The following GRIP2 variants were observed in gnomAD, a reference collection of about 807,000 sequenced individuals.
GRIP2 encodes glutamate receptor interacting protein 2.
A neutral mutation model predicts 108.3 loss-of-function variants in GRIP2; 58 were observed. The ratio of observed to expected loss-of-function variants is 0.54; its 90% confidence interval spans 0.43 to 0.67. The LOEUF (loss-of-function observed/expected upper bound fraction) is 0.67. Among genes scored for constraint, GRIP2 ranks in the 30% least tolerant of loss-of-function variants. The pLI, the probability that GRIP2 is intolerant of heterozygous loss-of-function variation, is 0.00. For synonymous variants in GRIP2, 586 were observed against 598.2 expected (o/e 0.98, Z 0.30); for missense variants, 1,278 against 1,430.6 (o/e 0.89, Z 1.72).
At position 14,552,933 on chromosome 3, in the gene GRIP2, C is replaced by T. The variant is rs190742002; in HGVS notation, c.55+2967G>A. 4.2e-3 allele frequency among the ~76,000 whole-genome samples: 637 copies of T among 152,180 alleles called. 5 individuals are homozygous for T. Among genetic ancestry groups the T allele is most frequent in the Middle Eastern group, 0.027 (8 of 292 alleles). The stretch of plus-strand genomic sequence containing the variant: ...CTAATACTCGAAGCAGTCCTCCACT[C>T]TCTCCTGCTCAAGGACCATCCATGG... On this transcript the variant is annotated intron_variant, in intron 1 of 23. Transcript: ENST00000637182.
the GRIP2 span, among the ~76,000 whole-genome samples, chr3:14,577,049 C>G: frequency 1.3e-5 from 2 of 152,256 alleles, no homozygotes; most frequent in South Asian, 4.1e-4. Context: ...ACAACTTCTA[C>G]CACTGTGGAG....
In GRIP2 at chr3:14,524,464, T is replaced by C; in HGVS notation, c.332A>G (p.Glu111Gly). The change falls in exon 4 of 24, where the codon GAG becomes GGG. Residue 111 changes from glutamate to glycine, a missense_variant. Glu to Gly is a moderately conservative substitution (Grantham distance 98, BLOSUM62 -2). Transcript: ENST00000621039. ...CACATTCTTGAGCAGGGTGATGATC[T>C]CATCGTGGCGGAGCCTGGTCAGGTG... ...GIHLTRLRHD[E>G]IITLLKNVGE... The C allele has an allele frequency of 1.3e-6, 2 of 1,593,154 alleles. No individual in the cohort carries two copies. The highest frequency in any genetic ancestry group is 1.7e-6 in the Non-Finnish European group (2 of 1,169,880).
chr3:14,576,150 G>A, the GRIP2 span, among the ~76,000 whole-genome samples: 1 of 152,186 alleles, frequency 6.6e-6, no homozygotes. Flanking sequence ...GGAGATCCGT[G>A]GGAATTAGCC....
the GRIP2 span, among the ~76,000 whole-genome samples, chr3:14,571,307 G>A: frequency 4.7e-4 from 71 of 152,162 alleles, 1 homozygote; most frequent in Admixed American, 4.4e-3. Flanking sequence ...TGCAACCCTG[G>A]TGTCACCCAT....
At chr3:14,585,182 C>G in the GRIP2 span, among the ~76,000 whole-genome samples, 1 of 152,148 alleles carries the variant, frequency 6.6e-6, no homozygotes, top group African/African-American at 2.4e-5. Context: ...GCCACCATGC[C>G]CAGCTAATTT....
the GRIP2 span, among the ~76,000 whole-genome samples, chr3:14,564,733 C>T: frequency 1.4e-4 from 21 of 152,322 alleles, no homozygotes; most frequent in Admixed American, 3.3e-4. Flanking sequence ...CACTCTGTGA[C>T]AAAGGCAGAC....
At chr3:14,527,095 G>A (rs936511615) in intron 1 of GRIP2, among the ~76,000 whole-genome samples, 1 of 152,132 alleles carries the variant, frequency 6.6e-6, no homozygotes, top group East Asian at 1.9e-4. Context: ...GCTGAGGTAG[G>A]GGAATCACTT....
At chr3:14,570,814 T>G in the GRIP2 span, among the ~76,000 whole-genome samples, 1 of 152,254 alleles carries the variant, frequency 6.6e-6, no homozygotes, top group Non-Finnish European at 1.5e-5. Context: ...GCGCTCGACC[T>G]GATGTGCAAT....
the GRIP2 span, among the ~76,000 whole-genome samples, chr3:14,577,686 A>T: frequency 6.6e-6 from 1 of 152,208 alleles, no homozygotes; most frequent in Non-Finnish European, 1.5e-5. Context: ...GAAGACACTG[A>T]CCAACAGATA....
chr3:14,564,546 A>G, the GRIP2 span, among the ~76,000 whole-genome samples: 1 of 152,252 alleles, frequency 6.6e-6, no homozygotes, highest in Admixed American at 6.5e-5. Context: ...TAAGTATAGT[A>G]TCACACAGGC....
chr3:14,523,934 G>A (rs914097086), intron 4 of GRIP2: 17 of 551,672 alleles, frequency 3.1e-5, no homozygotes, highest in East Asian at 3.0e-4. Flanking sequence ...CAGAGACGAC[G>A]GCAGAACTCA....
chr3:14,543,108 C>T (rs1213437924), upstream of GRIP2, among the ~76,000 whole-genome samples: 1 of 152,154 alleles, frequency 6.6e-6, no homozygotes, highest in Non-Finnish European at 1.5e-5. Flanking sequence ...CGTGTGAGTC[C>T]ATGGCCGAAA....
chr3:14,597,986 C>A, the GRIP2 span, among the ~76,000 whole-genome samples: 41 of 152,336 alleles, frequency 2.7e-4, no homozygotes, highest in African/African-American at 9.6e-4. Context: ...GTAAATTTAT[C>A]TGGGCCCCCA....
chr3:14,555,125 C>T (rs1695214463), intron 1 of GRIP2, among the ~76,000 whole-genome samples: 1 of 152,142 alleles, frequency 6.6e-6, no homozygotes, highest in Non-Finnish European at 1.5e-5. Flanking sequence ...CCCTTCCTAG[C>T]ACTCTGAGGG....
At chr3:14,573,983 G>T in the GRIP2 span, 1 of 1,122,806 alleles carries the variant, frequency 8.9e-7, no homozygotes, top group Non-Finnish European at 1.3e-6. Flanking sequence ...CCTGGCATAT[G>T]CAAGGCGAAA....
At chr3:14,561,460 G>A in the GRIP2 span, among the ~76,000 whole-genome samples, 2 of 152,194 alleles carry the variant, frequency 1.3e-5, no homozygotes, top group African/African-American at 4.8e-5. Flanking sequence ...TGTTGTCAAA[G>A]GTCACACAGC....
chr3:14,499,606 C>A (rs538219935), intron 21 of GRIP2, among the ~76,000 whole-genome samples: 66 of 151,930 alleles, frequency 4.3e-4, no homozygotes, highest in African/African-American at 1.5e-3. Context: ...GCCTGTAGTC[C>A]CCAGCTACTC....
In GRIP2 at chr3:14,512,064, G is replaced by C. The variant is rs75619650; in HGVS notation, c.1721-585C>G. ...GGTAAATGTTCAGTCAGGTGGTCGG[G>C]GAAGGCCTTGTCAAGTGACATTTGG... On this transcript the variant is annotated intron_variant, in intron 14 of 23. Coordinates refer to ENST00000621039, the MANE Select transcript of GRIP2 (RefSeq NM_001080423.4). This position sits in a 1 kb window ranked among gnomAD's most constrained non-coding sequence, Gnocchi z 5.1. 1.3e-5 allele frequency among the ~76,000 whole-genome samples: 2 copies of C among 152,236 alleles called. No homozygotes were observed. Among genetic ancestry groups the C allele is most frequent in the Admixed American group, 6.5e-5 (1 of 15,292 alleles).
chr3:14,564,493 G>A, the GRIP2 span, among the ~76,000 whole-genome samples: 1 of 152,242 alleles, frequency 6.6e-6, no homozygotes, highest in Admixed American at 6.5e-5. Flanking sequence ...GTCAAACAGT[G>A]CTGGATTCAA....
Sources: allele counts gnomAD v4.1 joint callset (sites outside exome capture counted in the v4.1 genomes callset), GRCh38; gene constraint gnomAD v4.1.1; non-coding constraint Gnocchi (gnomAD v3.1); transcripts MANE v1.5; gene names NCBI Gene and HGNC (gene_info 2026-07-23, HGNC 2026-07-21).